Variants in MAF observed in about 807,000 individuals in gnomAD.
MAF encodes the protein transcription factor Maf.
MAF carries 10 observed loss-of-function variants against 22.0 expected under a neutral mutation model. The observed-to-expected ratio is 0.45, with a 90% confidence interval of 0.28 to 0.77. The LOEUF is 0.77. Ranked by LOEUF, MAF falls within the 30% of genes least tolerant of loss-of-function variation. MAF has a pLI of 0.12. For missense variants in MAF, 544 were observed against 548.4 expected (o/e 0.99, Z 0.08); for synonymous variants, 337 against 255.8 (o/e 1.32, Z -3.03).
At chr16:79,582,142 A>T (rs1912558718), downstream of MAF, among the ~76,000 whole-genome samples, 1 of 152,196 alleles carries the variant, frequency 6.6e-6, no homozygotes, top group South Asian at 2.1e-4. Flanking sequence ...TTTATTGCTG[A>T]TAATTTCATT....
At chr16:79,496,664 T>G in the MAF span, among the ~76,000 whole-genome samples, 1 of 152,340 alleles carries the variant, frequency 6.6e-6, no homozygotes, top group Admixed American at 6.5e-5. Flanking sequence ...ATAAGGAAAT[T>G]CTTCTCTTCA....
At chr16:79,275,000 C>T in the MAF span, among the ~76,000 whole-genome samples, 102,703 of 152,088 alleles carry the variant, frequency 0.68, 35,452 homozygotes, top group Non-Finnish European at 0.74. Flanking sequence ...CTGAGATATG[C>T]ATATGTTGAG....
chr16:79,240,487 GAAAAAAAAAAAAAAA>G, the MAF span, among the ~76,000 whole-genome samples: 73 of 60,726 alleles, frequency 1.2e-3, no homozygotes, highest in East Asian at 0.033. Context: ...AGCATCTCTG[GAAAAAAAAAAAAAAA>G]AAAAAAAAAA....
At chr16:79,258,301 G>T in the MAF span, among the ~76,000 whole-genome samples, 1 of 152,180 alleles carries the variant, frequency 6.6e-6, no homozygotes, top group Non-Finnish European at 1.5e-5. Flanking sequence ...GGGTCCGGGA[G>T]CCAGCCCAGC....
At chr16:79,320,262 G>T in the MAF span, among the ~76,000 whole-genome samples, 2 of 152,202 alleles carry the variant, frequency 1.3e-5, no homozygotes, top group Admixed American at 6.5e-5. Context: ...GGTCACCAAA[G>T]AATAGATTAT....
the MAF span, among the ~76,000 whole-genome samples, chr16:79,580,597 G>A: frequency 6.6e-6 from 1 of 152,114 alleles, no homozygotes; most frequent in African/African-American, 2.4e-5. Context: ...GCTGCTTGGA[G>A]GGAGAACAGC....
At chr16:79,512,883 G>A in the MAF span, among the ~76,000 whole-genome samples, 3 of 152,170 alleles carry the variant, frequency 2.0e-5, no homozygotes, top group Admixed American at 6.5e-5. Flanking sequence ...CATTCCACAC[G>A]TGCTGTATAC....
the MAF span, among the ~76,000 whole-genome samples, chr16:79,357,663 C>T: frequency 6.6e-6 from 1 of 152,096 alleles, no homozygotes; most frequent in African/African-American, 2.4e-5. Flanking sequence ...GTCTTCCTCA[C>T]CATCGGTTCC....
the MAF span, among the ~76,000 whole-genome samples, chr16:79,429,707 A>T: frequency 6.6e-6 from 1 of 152,038 alleles, no homozygotes; most frequent in Non-Finnish European, 1.5e-5. Context: ...CATTAGAGGG[A>T]GTTGCTGGAA....
chr16:79,425,488 G>C, the MAF span, among the ~76,000 whole-genome samples: 2 of 152,138 alleles, frequency 1.3e-5, no homozygotes, highest in Non-Finnish European at 2.9e-5. Context: ...TCTTGGGGTG[G>C]GAACTGATTG....
chr16:79,305,957 C>T, the MAF span, among the ~76,000 whole-genome samples: 2,981 of 152,264 alleles, frequency 0.02, 94 homozygotes, highest in African/African-American at 0.067. Flanking sequence ...GCTCCAGCAA[C>T]GGCACCCCAA....
chr16:79,329,052 C>T, the MAF span, among the ~76,000 whole-genome samples: 39 of 149,362 alleles, frequency 2.6e-4, no homozygotes, highest in Non-Finnish European at 5.5e-4. Context: ...CCCACTCACT[C>T]CGCAACTTGC....
At chr16:79,410,618 A>G in the MAF span, among the ~76,000 whole-genome samples, 1 of 152,246 alleles carries the variant, frequency 6.6e-6, no homozygotes, top group Admixed American at 6.5e-5. Flanking sequence ...AAGGTCAACC[A>G]TGGCAACCAG....
chr16:79,556,206 T>C, the MAF span, among the ~76,000 whole-genome samples: 1 of 152,222 alleles, frequency 6.6e-6, no homozygotes, highest in Non-Finnish European at 1.5e-5. Context: ...TCTCTAAGCT[T>C]ATTATATCAT....
At chr16:79,357,322 C>T in the MAF span, among the ~76,000 whole-genome samples, 6,980 of 151,776 alleles carry the variant, frequency 0.046, 382 homozygotes, top group African/African-American at 0.13. Context: ...TGGTGGCGGG[C>T]GCCTGTAATC....
At chr16:79,243,220 T>A in the MAF span, among the ~76,000 whole-genome samples, 16 of 151,980 alleles carry the variant, frequency 1.1e-4, 1 homozygote, top group African/African-American at 3.9e-4. Context: ...GTGAAGGTGA[T>A]AGAGACACAA....
Position 79,600,390 on chromosome 16 carries a change from G to T in MAF, c.-488C>A, listed in dbSNP as rs1913961312. On this transcript the variant is annotated 5_prime_UTR_variant, in exon 1 of 2. Transcript: ENST00000326043. The stretch of plus-strand genomic sequence containing the variant: ...GCGGCGTCCGCTCGGGGCTGGAGGC[G>T]CGGCGGGCGTCTGTCCGGGCGGCGC... 1 of 197,618 alleles carries T rather than the reference G, an allele frequency of 5.1e-6. No homozygotes were observed. 12.2% of individuals were successfully genotyped at this position (197,618 alleles called of 1,614,324 possible). A position where few individuals can be genotyped will look rare whatever the true frequency, so the allele number is the denominator to read the frequency against.
At chr16:79,330,415 T>G in the MAF span, among the ~76,000 whole-genome samples, 1 of 152,186 alleles carries the variant, frequency 6.6e-6, no homozygotes, top group Non-Finnish European at 1.5e-5. Flanking sequence ...TTATAAGCTC[T>G]GAGTCTTGGA....
chr16:79,437,613 G>C, the MAF span, among the ~76,000 whole-genome samples: 1 of 151,984 alleles, frequency 6.6e-6, no homozygotes, highest in African/African-American at 2.4e-5. Context: ...TTTTACAGCT[G>C]AGGAAAGGAC....
Sources: gnomAD v4.1 joint callset for allele counts (sites outside exome capture counted in the v4.1 genomes callset) on GRCh38, gnomAD v4.1.1 for gene constraint, MANE v1.5 for transcripts, NCBI Gene and HGNC (gene_info 2026-07-23, HGNC 2026-07-21) for gene names.